The following LMBR1 variants were observed in gnomAD, a reference collection of about 807,000 sequenced individuals.
LMBR1 encodes limb development membrane protein 1.
Under a neutral mutation model 73.9 loss-of-function variants are expected in LMBR1, and 52 were observed. The observed-to-expected ratio is 0.70, with a 90% CI of 0.56 to 0.89. The LOEUF is 0.89. Ranked by LOEUF, LMBR1 falls within the 40% of genes least tolerant of loss-of-function variation. LMBR1 has a pLI of 0.00. For missense variants in LMBR1, 539 were observed against 579.8 expected (o/e 0.93, Z 0.72); for synonymous variants, 215 against 209.4 (o/e 1.03, Z -0.23).
intron 1 of LMBR1, among the ~76,000 whole-genome samples, chr7:156,866,687 C>CT (rs1563572477): frequency 6.7e-6 from 1 of 149,848 alleles, no homozygotes; most frequent in Non-Finnish European, 1.5e-5. Context: ...CTCACTGCAA[C>CT]CTGCCTCCCA....
intron 1 of LMBR1, among the ~76,000 whole-genome samples, chr7:156,866,389 A>G (rs1221125755): frequency 1.3e-5 from 2 of 151,900 alleles, no homozygotes; most frequent in East Asian, 3.9e-4. Flanking sequence ...AACAAAAATC[A>G]TTAGTTACAG....
At chr7:156,822,041 G>A (rs937411146) in intron 4 of LMBR1, among the ~76,000 whole-genome samples, 1 of 152,222 alleles carries the variant, frequency 6.6e-6, no homozygotes, top group Non-Finnish European at 1.5e-5. Flanking sequence ...AATTTCCATA[G>A]CATTGTAATG....
At position 156,817,567 on chromosome 7, in the gene LMBR1, A is replaced by G. The variant is rs1351113846; in HGVS notation, c.319+9038T>C. The stretch of plus-strand genomic sequence containing the variant: ...GACAGAGAGAGAACTTCAGAATTAG[A>G]ATAGCCTCTGCTTATTTACTTAGAA... On this transcript the variant is annotated intron_variant, in intron 4 of 16. Coordinates refer to ENST00000353442, the MANE Select transcript of LMBR1 (RefSeq NM_022458.4). Among the ~76,000 whole-genome samples the G allele has an allele frequency of 2.0e-5, 3 of 152,138 alleles. No individual in the cohort carries two copies. The East Asian group carries it at 5.8e-4, about 29-fold the overall frequency.
At chr7:156,719,106 T>A (rs1813889887) in intron 15 of LMBR1, among the ~76,000 whole-genome samples, 3 of 151,116 alleles carry the variant, frequency 2.0e-5, no homozygotes, top group East Asian at 2.0e-4. Context: ...TAGCATTAGG[T>A]ATATCTCCTA....
At chr7:156,849,818 T>C (rs1456702124) in intron 1 of LMBR1, among the ~76,000 whole-genome samples, 1 of 152,136 alleles carries the variant, frequency 6.6e-6, no homozygotes, top group African/African-American at 2.4e-5. Context: ...TGAACACTAA[T>C]GTAAACTATG....
intron 4 of LMBR1, among the ~76,000 whole-genome samples, chr7:156,812,795 A>G (rs1861119): frequency 0.34 from 51,854 of 151,972 alleles, 9,141 homozygotes; most frequent in East Asian, 0.57. Context: ...CTGTGCAGCA[A>G]TCTCCTTTCC....
At chr7:156,816,031 A>C (rs1833857536) in intron 4 of LMBR1, among the ~76,000 whole-genome samples, 1 of 151,964 alleles carries the variant, frequency 6.6e-6, no homozygotes, top group Non-Finnish European at 1.5e-5. Flanking sequence ...TTATACAGTA[A>C]AATTCAAATT....
At chr7:156,686,754 T>C (rs925881335) in intron 16 of LMBR1, among the ~76,000 whole-genome samples, 1 of 152,210 alleles carries the variant, frequency 6.6e-6, no homozygotes, top group Admixed American at 6.5e-5. Flanking sequence ...TTTGCAACCA[T>C]CTCATTTAGC....
intron 15 of LMBR1, among the ~76,000 whole-genome samples, chr7:156,692,753 A>G (rs901367735): frequency 2.0e-5 from 3 of 152,208 alleles, no homozygotes; most frequent in African/African-American, 7.2e-5. Context: ...AGTGGGCTGC[A>G]CAAAGGAAGA....
intron 15 of LMBR1, among the ~76,000 whole-genome samples, chr7:156,704,462 G>A (rs1438261652): frequency 6.6e-6 from 1 of 152,008 alleles, no homozygotes; most frequent in African/African-American, 2.4e-5. Flanking sequence ...CCCTCCCAAT[G>A]AAAGTAAATT....
At chr7:156,867,620 T>A (rs1019091664) in intron 1 of LMBR1, among the ~76,000 whole-genome samples, 21 of 152,196 alleles carry the variant, frequency 1.4e-4, no homozygotes, top group African/African-American at 4.8e-4. Flanking sequence ...TGGCTAAACT[T>A]TGAAAATATC....
At chr7:156,704,219 T>G (rs1810416145) in intron 15 of LMBR1, among the ~76,000 whole-genome samples, 1 of 152,164 alleles carries the variant, frequency 6.6e-6, no homozygotes, top group Admixed American at 6.5e-5. Context: ...AGCCCACCAC[T>G]GCTACCAATG....
intron 5 of LMBR1, among the ~76,000 whole-genome samples, chr7:156,774,441 T>C (rs1002396552): frequency 6.6e-6 from 1 of 152,204 alleles, no homozygotes; most frequent in African/African-American, 2.4e-5. Context: ...CTATTCACAA[T>C]AGCAAAGGCA....
At chr7:156,783,938 C>T (rs762535622) in intron 5 of LMBR1, among the ~76,000 whole-genome samples, 9 of 151,204 alleles carry the variant, frequency 6.0e-5, no homozygotes, top group Admixed American at 1.3e-4. Flanking sequence ...ATAATACCTT[C>T]GTAATTATCA....
intron 1 of LMBR1, among the ~76,000 whole-genome samples, chr7:156,883,900 C>A (rs1427693676): frequency 6.6e-6 from 1 of 152,174 alleles, no homozygotes; most frequent in East Asian, 1.9e-4. Context: ...CTCACATCTG[C>A]AAAATCCCTT....
chr7:156,862,437 TG>T (rs1182186085), intron 1 of LMBR1, among the ~76,000 whole-genome samples: 1 of 151,710 alleles, frequency 6.6e-6, no homozygotes, highest in African/African-American at 2.4e-5. Context: ...CAAACGATAT[TG>T]TGGATCATAC....
At chr7:156,792,575 T>C (rs1335114563) in intron 5 of LMBR1, among the ~76,000 whole-genome samples, 1 of 152,158 alleles carries the variant, frequency 6.6e-6, no homozygotes, top group Non-Finnish European at 1.5e-5. Context: ...CCTAATAAAA[T>C]AGAAACACAC....
chr7:156,844,712 C>G (rs1839320278), intron 1 of LMBR1, among the ~76,000 whole-genome samples: 1 of 152,042 alleles, frequency 6.6e-6, no homozygotes, highest in African/African-American at 2.4e-5. Flanking sequence ...CAGCCATGCC[C>G]TATTTCAGAG....
Position 156,682,621 on chromosome 7 carries a change from G to A in LMBR1, c.*1457C>T, listed in dbSNP as rs533427086. On this transcript the variant is annotated 3_prime_UTR_variant, in exon 17 of 17. Transcript: ENST00000353442. ...AGGAAATGCAGACGTATAAATAAGG[G>A]GGAAGTGTACTCAACAAAGGTTGTA... The A allele has an allele frequency of 6.6e-6, 1 of 152,208 alleles. No homozygotes were observed. The highest frequency in any genetic ancestry group is 1.5e-5 in the Non-Finnish European group (1 of 67,998). 9.4% of individuals were successfully genotyped at this position (152,208 alleles called of 1,614,324 possible).
Sources: gnomAD v4.1 joint callset for allele counts (sites outside exome capture counted in the v4.1 genomes callset) on GRCh38, gnomAD v4.1.1 for gene constraint, MANE v1.5 for transcripts, NCBI Gene and HGNC (gene_info 2026-07-23, HGNC 2026-07-21) for gene names.